The following IL18R1 variants were observed in gnomAD, a reference collection of about 807,000 sequenced individuals.
IL18R1 encodes interleukin-18 receptor 1.
IL18R1 carries 40 observed loss-of-function variants against 48.5 expected under a neutral mutation model. That is an observed-to-expected ratio of 0.82 (90% CI 0.64 to 1.07). The LOEUF (loss-of-function observed/expected upper bound fraction) is 1.07, where lower values mean the gene tolerates loss of function less well. IL18R1 is among the 50% of genes least tolerant of loss of function. IL18R1 has a pLI of 0.00. For synonymous variants in IL18R1, 232 were observed against 225.9 expected (o/e 1.03, Z -0.24); for missense variants, 596 against 633.7 (o/e 0.94, Z 0.64).
At chr2:102,367,204 T>C (rs1678956964) in intron 2 of IL18R1, among the ~76,000 whole-genome samples, 1 of 152,182 alleles carries the variant, frequency 6.6e-6, no homozygotes, top group South Asian at 2.1e-4. Context: ...GTGACAGATA[T>C]GCAAATTTGG....
In IL18R1 at chr2:102,375,997, C is replaced by A; in HGVS notation, c.559C>A (p.His187Asn). ...AGATCAGGGGTATTACTCCTGCGTGCATTTCCTTCATCATAATGGAAAACT... is the reference window on the plus strand; with the variant it reads ...AGATCAGGGGTATTACTCCTGCGTGAATTTCCTTCATCATAATGGAAAACT... ...FEDQGYYSCV[H>N]FLHHNGKLFN... Residue 187 changes from histidine (H) to asparagine (N), a missense_variant, in exon 5 of 11, where the codon CAT becomes AAT. Physicochemically the swap from His to Asn is moderately conservative, Grantham distance 68. Around this residue, in one of 3 missense-constraint regions of IL18R1, gnomAD observed 360 missense variants for 339.4 expected, o/e 1.06. Transcript: ENST00000233957. 6.2e-7 allele frequency: 1 copy of A among 1,607,314 alleles called. No homozygotes were observed.
chr2:102,357,501 A>T (rs975478335), intron 1 of IL18R1, among the ~76,000 whole-genome samples: 1 of 151,306 alleles, frequency 6.6e-6, no homozygotes, highest in Admixed American at 6.6e-5. Flanking sequence ...AAAAAAAAAA[A>T]AGAAAAAAAA....
At chr2:102,368,107 C>G (rs763543159) in intron 3 of IL18R1, 39 bp downstream of exon 3, 2 of 1,608,646 alleles carry the variant, frequency 1.2e-6, no homozygotes, top group South Asian at 1.1e-5. Context: ...TTTCACAGCC[C>G]TCTTGTCCTT....
At chr2:102,396,187 G>T in intron 10 of IL18R1, among the ~76,000 whole-genome samples, 1 of 151,980 alleles carries the variant, frequency 6.6e-6, no homozygotes, top group Non-Finnish European at 1.5e-5. Flanking sequence ...TGTGACTCTG[G>T]GCAGGTTACT....
chr2:102,390,672 G>T (rs571363964), intron 9 of IL18R1, among the ~76,000 whole-genome samples: 2 of 152,242 alleles, frequency 1.3e-5, no homozygotes, highest in East Asian at 3.9e-4. Flanking sequence ...GGTGGCTCAC[G>T]CCTGTAATCC....
At chr2:102,364,509 G>A (rs1457498670) in intron 2 of IL18R1, among the ~76,000 whole-genome samples, 1 of 152,142 alleles carries the variant, frequency 6.6e-6, no homozygotes, top group Non-Finnish European at 1.5e-5. Context: ...CCAGGGTTTT[G>A]CATGTCAATT....
chr2:102,358,885 G>C (rs1678411474), intron 1 of IL18R1, among the ~76,000 whole-genome samples: 1 of 152,184 alleles, frequency 6.6e-6, no homozygotes, highest in African/African-American at 2.4e-5. Flanking sequence ...ATATTTTATG[G>C]ATGTAATTCA....
chr2:102,387,789 A>C (rs908691740), intron 8 of IL18R1, among the ~76,000 whole-genome samples: 1 of 152,202 alleles, frequency 6.6e-6, no homozygotes. Context: ...ACGGAGAGAG[A>C]CAGACACAGA....
chr2:102,366,684 G>A lies in IL18R1; in HGVS notation c.59-1141G>A, dbSNP rs569154347. On this transcript the variant is annotated intron_variant, in intron 2 of 10. Transcript: ENST00000233957. Reference sequence around the variant, plus strand: ...AAAGGAGAAAGATTTAATGGACTCAGTTCTGCAGGGCTGGGGAGGCCTCAG... The same window carrying A: ...AAAGGAGAAAGATTTAATGGACTCAATTCTGCAGGGCTGGGGAGGCCTCAG... Among the ~76,000 whole-genome samples, 7 of 152,268 alleles carry A rather than the reference G, an allele frequency of 4.6e-5. No homozygotes were observed. In the South Asian group the frequency reaches 1.0e-3, roughly 23 times the overall value.
chr2:102,390,228 T>C lies in IL18R1; in HGVS notation c.1111+11T>C. On this transcript the variant is annotated intron_variant, in intron 9 of 10. Coordinates refer to ENST00000233957, the MANE Select transcript of IL18R1 (RefSeq NM_003855.5). ...ATGAAACATTAACAGGTAACACATA[T>C]AATGCTGGAATTTCTTACCTTATGT... 6.2e-7 allele frequency: 1 copy of C among 1,610,780 alleles called. No homozygotes were observed. Among genetic ancestry groups the C allele is most frequent in the South Asian group, 1.1e-5 (1 of 90,976 alleles).
At chr2:102,387,028 TG>T (rs1281393258) in intron 8 of IL18R1, 28 bp downstream of exon 8, 1 of 1,607,670 alleles carries the variant, frequency 6.2e-7, no homozygotes, top group Non-Finnish European at 8.5e-7. Context: ...TTGGAAGTTT[TG>T]AAACTTAGCT....
chr2:102,366,980 A>T (rs1678936786), intron 2 of IL18R1, among the ~76,000 whole-genome samples: 1 of 152,212 alleles, frequency 6.6e-6, no homozygotes. Flanking sequence ...GTCCTAAGGG[A>T]AATGTTTCGT....
rs1373664196 is a variant in IL18R1, at chr2:102,398,620, T to C, written c.*1734T>C. On this transcript the variant is annotated 3_prime_UTR_variant, in exon 11 of 11. Coordinates refer to ENST00000233957, the MANE Select transcript of IL18R1 (RefSeq NM_003855.5). The stretch of plus-strand genomic sequence containing the variant: ...TTGCTATTGCATAGTCTCTAATACA[T>C]AGAATGATTTTGCTTTTCTCTTTTA... 1.3e-5 allele frequency: 2 copies of C among 152,282 alleles called. No homozygotes were observed. Among genetic ancestry groups the C allele is most frequent in the East Asian group, 3.8e-4 (2 of 5,260 alleles). The allele number at this position is 152,282 out of a possible 1,614,324, so 9.4% of individuals were successfully genotyped here.
At chr2:102,377,548 C>A (rs1679664302) in intron 5 of IL18R1, among the ~76,000 whole-genome samples, 1 of 152,218 alleles carries the variant, frequency 6.6e-6, no homozygotes, top group Admixed American at 6.5e-5. Flanking sequence ...GATCTCCTGA[C>A]CTCGTGATCC....
At chr2:102,367,530 A>G (rs770345160) in intron 2 of IL18R1, among the ~76,000 whole-genome samples, 1 of 152,170 alleles carries the variant, frequency 6.6e-6, no homozygotes, top group Admixed American at 6.5e-5. Flanking sequence ...TTTTCTTCTA[A>G]GAGGTGACAC....
chr2:102,394,561 A>G lies in IL18R1; in HGVS notation c.1204A>G (p.Arg402Gly). The G allele has an allele frequency of 6.2e-7, 1 of 1,613,566 alleles. No homozygotes were observed. The highest frequency in any genetic ancestry group is 8.5e-7 in the Non-Finnish European group (1 of 1,179,556). The change falls in exon 10 of 11, where the codon AGG (arginine) becomes GGG (glycine). Residue 402 changes from arginine to glycine, a missense_variant. This residue lies in a region of IL18R1 where 179 missense variants were observed against 206.1 expected (regional missense o/e 0.87). Coordinates refer to ENST00000233957, the MANE Select transcript of IL18R1 (RefSeq NM_003855.5). ...EHTFAVEILP[R>G]VLEKHFGYKL... ...CACCTTTGCTGTGGAGATTTTGCCC[A>G]GGGTGTTGGAGAAACATTTTGGGTA...
intron 4 of IL18R1, among the ~76,000 whole-genome samples, chr2:102,374,174 G>C (rs1679436495): frequency 6.6e-6 from 1 of 152,074 alleles, no homozygotes; most frequent in Admixed American, 6.6e-5. Flanking sequence ...AAACGGTTGG[G>C]GACAGCTGAT....
rs949598615 is a variant in IL18R1, at chr2:102,398,085, G to C, written c.*1199G>C. 2 of 152,334 alleles carry C rather than the reference G, an allele frequency of 1.3e-5. No individual in the cohort carries two copies. The highest frequency in any genetic ancestry group is 2.9e-5 in the Non-Finnish European group (2 of 68,056). The allele number at this position is 152,334 out of a possible 1,614,324, so 9.4% of individuals were successfully genotyped here. ...TGGACTAATGGAAGCTACAGAGCAG[G>C]GAAGGGAAGCAGATCTAGGGAGGAA... is the stretch of plus-strand genomic sequence containing the variant. On this transcript the variant is annotated 3_prime_UTR_variant, in exon 11 of 11. Coordinates refer to ENST00000233957, the MANE Select transcript of IL18R1 (RefSeq NM_003855.5).
intron 5 of IL18R1, among the ~76,000 whole-genome samples, chr2:102,378,970 A>G (rs1679757344): frequency 6.6e-6 from 1 of 152,172 alleles, no homozygotes. Flanking sequence ...TTGTGTCTTT[A>G]TTACAGTCCC....
Sources: gnomAD v4.1 joint callset for allele counts (sites outside exome capture counted in the v4.1 genomes callset) on GRCh38, gnomAD v4.1.1 for gene constraint, gnomAD v4.1.1 regional missense constraint, MANE v1.5 for transcripts, NCBI Gene and HGNC (gene_info 2026-07-23, HGNC 2026-07-21) for gene names.